RAB3IL1: variants seen among roughly 807,000 people sequenced by gnomAD.
RAB3IL1 encodes the protein RAB3A interacting protein like 1, also known as guanine nucleotide exchange factor for Rab-3A.
A neutral mutation model predicts 49.2 loss-of-function variants in RAB3IL1; 37 were observed. The observed-to-expected ratio is 0.75, with a 90% CI of 0.58 to 0.99. RAB3IL1 has a LOEUF of 0.99. Ranked by LOEUF, RAB3IL1 falls within the 50% of genes least tolerant of loss-of-function variation. RAB3IL1 has a pLI of 0.00. For synonymous variants in RAB3IL1, 193 were observed against 213.9 expected (o/e 0.90, Z 0.85); for missense variants, 484 against 513.0 (o/e 0.94, Z 0.55).
At chr11:61,941,624 C>CT in the RAB3IL1 span, among the ~76,000 whole-genome samples, 1 of 152,030 alleles carries the variant, frequency 6.6e-6, no homozygotes, top group African/African-American at 2.4e-5. Flanking sequence ...TGGTGGCAGG[C>CT]ACCTGTAGTC....
At chr11:61,902,641 G>T in intron 7 of RAB3IL1, 100 bp from the exon 8 acceptor site, 1 of 1,092,548 alleles carries the variant, frequency 9.2e-7, no homozygotes, top group African/African-American at 1.6e-5. Context: ...GGATGCATGG[G>T]GAGGGGCAGG....
At position 61,900,432 on chromosome 11, in the gene RAB3IL1, C is replaced by T. The variant is rs111900366; in HGVS notation, c.1000-1052G>A. ...CGCAGGCTGGGGAGTGGAGAAGCTT[C>T]GGGGAGGGGCGGGACGGTGGTGGCC... On this transcript the variant is annotated intron_variant, in intron 8 of 9. Transcript: ENST00000394836. Among the ~76,000 whole-genome samples the T allele has an allele frequency of 5.3e-3, 802 of 152,198 alleles. 3 individuals are homozygous for T. Among genetic ancestry groups the T allele is most frequent in the South Asian group, 0.029 (139 of 4,816 alleles).
chr11:61,940,529 G>A, the RAB3IL1 span, among the ~76,000 whole-genome samples: 3 of 152,188 alleles, frequency 2.0e-5, no homozygotes, highest in Admixed American at 6.5e-5. Context: ...GGTTATGCCT[G>A]TAATCCTGGC....
chr11:61,900,703 A>G (rs1339038340), intron 8 of RAB3IL1, among the ~76,000 whole-genome samples: 1 of 152,152 alleles, frequency 6.6e-6, no homozygotes, highest in Non-Finnish European at 1.5e-5. Context: ...TGTGGACCCC[A>G]CATGTCTTGG....
intron 8 of RAB3IL1, among the ~76,000 whole-genome samples, chr11:61,900,373 C>G (rs1402813570): frequency 4.6e-5 from 7 of 152,250 alleles, no homozygotes; most frequent in Non-Finnish European, 1.0e-4. Flanking sequence ...ATGTCCAACA[C>G]TCCTGGGGAG....
the RAB3IL1 span, among the ~76,000 whole-genome samples, chr11:61,937,039 G>T: frequency 6.6e-6 from 1 of 151,780 alleles, no homozygotes; most frequent in Non-Finnish European, 1.5e-5. Flanking sequence ...TAAATACATA[G>T]GTAAATATAC....
upstream of RAB3IL1, among the ~76,000 whole-genome samples, chr11:61,923,863 T>G (rs554641337): frequency 6.6e-6 from 1 of 152,096 alleles, no homozygotes; most frequent in Non-Finnish European, 1.5e-5. Context: ...TGGTTCTGGC[T>G]CCAGGGAGAG....
chr11:61,900,447 C>CGGTGGCCCGCCT (rs1403011124), intron 8 of RAB3IL1, among the ~76,000 whole-genome samples: 4 of 152,186 alleles, frequency 2.6e-5, no homozygotes, highest in African/African-American at 7.2e-5. Flanking sequence ...AGGGGCGGGA[C>CGGTGGCCCGCCT]GGTGGTGGCC....
the RAB3IL1 span, among the ~76,000 whole-genome samples, chr11:61,926,183 G>A: frequency 1.3e-5 from 2 of 149,592 alleles, no homozygotes; most frequent in South Asian, 2.1e-4. Context: ...ATGGCAATGC[G>A]TTAATATAGT....
the RAB3IL1 span, among the ~76,000 whole-genome samples, chr11:61,935,797 G>A: frequency 6.6e-6 from 1 of 151,978 alleles, no homozygotes; most frequent in African/African-American, 2.4e-5. Context: ...TTACAGGGGT[G>A]AGCCACCACA....
rs1939747890 is a variant in RAB3IL1, at chr11:61,917,425, C to CCTGA, written c.-59_-58insTCAG. ...CCAGCGCCGCCGCGTCCTCCCAGCG[C>CCTGA]CGCGTCCCCGCCCGCCGCCGACTCC... On this transcript the variant is annotated 5_prime_UTR_variant, in exon 1 of 10. Transcript: ENST00000394836. 2 of 1,199,962 alleles carry CCTGA rather than the reference C, an allele frequency of 1.7e-6. No homozygotes were observed. Among genetic ancestry groups the CCTGA allele is most frequent in the African/African-American group, 3.2e-5 (2 of 62,748 alleles). The allele number at this position is 1,199,962 out of a possible 1,614,324, so 74.3% of individuals were successfully genotyped here.
At chr11:61,922,232 AG>A (rs1251722403), upstream of RAB3IL1, among the ~76,000 whole-genome samples, 1 of 151,284 alleles carries the variant, frequency 6.6e-6, no homozygotes, top group Non-Finnish European at 1.5e-5. Flanking sequence ...GTTTAAAAAA[AG>A]AAGACAGCTG....
Position 61,902,525 on chromosome 11 carries a change from C to T in RAB3IL1, c.916G>A (p.Gly306Arg), listed in dbSNP as rs746277976. ...CGGTGGCGGCAGGTGCGGGTCAGCCCGCTCAGGGCACATGTGCTAGGGGAA... is the reference window on the plus strand; with the variant it reads ...CGGTGGCGGCAGGTGCGGGTCAGCCTGCTCAGGGCACATGTGCTAGGGGAA... ...CSSTNTCALS[G>R]LTRTCRHRIR... Residue 306 changes from glycine to arginine, a missense_variant, in exon 8 of 10, where the codon GGG (glycine) becomes AGG (arginine). Transcript: ENST00000394836. The T allele has an allele frequency of 3.7e-6, 6 of 1,600,344 alleles. No homozygotes were observed. Among genetic ancestry groups the T allele is most frequent in the Middle Eastern group, 1.7e-4 (1 of 6,042 alleles).
the RAB3IL1 span, among the ~76,000 whole-genome samples, chr11:61,944,220 C>CTCCTTCCCTCCTTCCTTCCTTCCTTCCT: frequency 8.6e-4 from 32 of 37,070 alleles, no homozygotes; most frequent in African/African-American, 1.5e-3. Context: ...CCTTCCTTCC[C>CTCCTTCCCTCCTTCCTTCCTTCCTTCCT]TCCTTCCTTC....
chr11:61,905,980 G>GGCCAC (rs1939162312), intron 5 of RAB3IL1, among the ~76,000 whole-genome samples: 1 of 152,196 alleles, frequency 6.6e-6, no homozygotes, highest in South Asian at 2.1e-4. Flanking sequence ...CCTCTCCAAA[G>GGCCAC]GCCACGCTTG....
rs182565964 is a variant in RAB3IL1 at position 61,904,635 on chromosome 11, G to A, written c.810C>T (p.Ala270=). The change falls in exon 7 of 10, where the codon GCC becomes GCT. Residue 270 remains alanine, a synonymous_variant. Coordinates refer to ENST00000394836, the MANE Select transcript of RAB3IL1 (RefSeq NM_013401.4). ...CAATGGTGAGCGTGTTGTCCTCCACGGCGGCCCGTACCAGCACCGAGAGCT... is the reference window on the plus strand; with the variant it reads ...CAATGGTGAGCGTGTTGTCCTCCACAGCGGCCCGTACCAGCACCGAGAGCT... ...MQELSVLVRA[A]VEDNTLTIEP... 1.1e-4 allele frequency: 181 copies of A among 1,612,214 alleles called. No homozygotes were observed. In the East Asian group the frequency reaches 2.8e-3, roughly 25 times the overall value.
At chr11:61,928,384 T>G in the RAB3IL1 span, among the ~76,000 whole-genome samples, 2 of 151,572 alleles carry the variant, frequency 1.3e-5, no homozygotes, top group Admixed American at 6.6e-5. Context: ...TCAAAATACA[T>G]GAAGCTAGGA....
chr11:61,944,220 C>CACCT, the RAB3IL1 span, among the ~76,000 whole-genome samples: 1 of 36,996 alleles, frequency 2.7e-5, no homozygotes, highest in East Asian at 4.3e-4. Context: ...CCTTCCTTCC[C>CACCT]TCCTTCCTTC....
At chr11:61,934,446 GTATGTATATATATATA>G in the RAB3IL1 span, among the ~76,000 whole-genome samples, 4 of 24,408 alleles carry the variant, frequency 1.6e-4, no homozygotes, top group African/African-American at 3.2e-4. Context: ...GTGTGTGTGT[GTATGTATATATATATA>G]TATATATATA....
Sources: gnomAD v4.1 joint callset for allele counts (sites outside exome capture counted in the v4.1 genomes callset) on GRCh38, gnomAD v4.1.1 for gene constraint, MANE v1.5 for transcripts, NCBI Gene and HGNC (gene_info 2026-07-23, HGNC 2026-07-21) for gene names.